The following SNX29 variants were observed in gnomAD, a reference collection of about 807,000 sequenced individuals.
SNX29 encodes sorting nexin-29.
SNX29 carries 78 observed loss-of-function variants against 102.1 expected under a neutral mutation model. That is an observed-to-expected ratio of 0.76 (90% confidence interval 0.64 to 0.92). SNX29 has a LOEUF of 0.92. SNX29 is among the 40% of genes least tolerant of loss of function. SNX29 has a pLI of 0.00. For missense variants in SNX29, 1,280 were observed against 1,061.7 expected, an observed-to-expected ratio of 1.21 and a Z score of -2.86; for synonymous variants, 580 against 414.5, an observed-to-expected ratio of 1.40 and a Z score of -4.85.
chr16:12,303,470 C>G (rs904329449), intron 15 of SNX29, among the ~76,000 whole-genome samples: 1 of 151,994 alleles, frequency 6.6e-6, no homozygotes, highest in Non-Finnish European at 1.5e-5. Context: ...TTGTGTGGCT[C>G]GAAGAAAGCG....
At position 12,569,537 on chromosome 16, in the gene SNX29, G is replaced by A. The variant is rs2141577903; in HGVS notation, c.*908G>A. On this transcript the variant is annotated 3_prime_UTR_variant, in exon 21 of 21. Transcript: ENST00000566228. ...CTCCATGACTATGAAGTTGGACCCAGTGTGGACACTTAACAGATCATGTGT... is the reference window on the plus strand; with the variant it reads ...CTCCATGACTATGAAGTTGGACCCAATGTGGACACTTAACAGATCATGTGT... 1 of 231,606 alleles carries A rather than the reference G, an allele frequency of 4.3e-6. No homozygotes were observed. The highest frequency in any genetic ancestry group is 6.1e-5 in the East Asian group (1 of 16,360). 14.3% of individuals were successfully genotyped at this position (231,606 alleles called of 1,614,324 possible).
At chr16:12,010,639 C>T (rs374512566) in intron 3 of SNX29, among the ~76,000 whole-genome samples, 14 of 152,078 alleles carry the variant, frequency 9.2e-5, no homozygotes, top group Admixed American at 9.2e-4. Context: ...AACAAACAAA[C>T]AAACAAGAAA....
chr16:12,178,550 C>T (rs1020330156), intron 13 of SNX29, among the ~76,000 whole-genome samples: 1 of 152,282 alleles, frequency 6.6e-6, no homozygotes, highest in African/African-American at 2.4e-5. Context: ...CGTCATGGTC[C>T]TGGAAAAAAC....
chr16:12,252,201 G>A (rs1356649349), intron 14 of SNX29, among the ~76,000 whole-genome samples: 1 of 152,186 alleles, frequency 6.6e-6, no homozygotes, highest in Non-Finnish European at 1.5e-5. Flanking sequence ...AAAGGAAACA[G>A]TCCACAAGCT....
At chr16:12,005,044 G>A (rs1384043899) in intron 3 of SNX29, among the ~76,000 whole-genome samples, 1 of 152,288 alleles carries the variant, frequency 6.6e-6, no homozygotes, top group South Asian at 2.1e-4. Flanking sequence ...CTGTAGTCAA[G>A]CATTTAAATA....
intron 18 of SNX29, among the ~76,000 whole-genome samples, chr16:12,462,561 G>C (rs1322469618): frequency 6.6e-6 from 1 of 151,714 alleles, no homozygotes. Context: ...GTTTTAATTT[G>C]TATCCCAGTC....
intron 1 of SNX29, among the ~76,000 whole-genome samples, chr16:11,986,658 T>C (rs576243962): frequency 4.6e-4 from 70 of 152,210 alleles, no homozygotes; most frequent in Non-Finnish European, 8.7e-4. Context: ...ACCGCAGCTA[T>C]TTAACCTCTC....
chr16:12,203,457 G>T (rs537727762), intron 14 of SNX29, among the ~76,000 whole-genome samples: 1 of 151,676 alleles, frequency 6.6e-6, no homozygotes, highest in African/African-American at 2.4e-5. Context: ...TGTGTAGTGT[G>T]GCCTTGCTGT....
intron 13 of SNX29, among the ~76,000 whole-genome samples, chr16:12,197,887 G>GAAGC (rs1434166531): frequency 2.0e-5 from 3 of 151,878 alleles, no homozygotes; most frequent in African/African-American, 7.2e-5. Flanking sequence ...ACAGCACAGA[G>GAAGC]AAGCAAAATA....
chr16:12,167,830 C>T (rs564977106), intron 13 of SNX29, among the ~76,000 whole-genome samples: 6 of 152,286 alleles, frequency 3.9e-5, no homozygotes, highest in East Asian at 3.9e-4. Flanking sequence ...CCGTTTATTT[C>T]GTGAATAAGG....
chr16:12,123,812 A>G (rs2054086379), intron 11 of SNX29, among the ~76,000 whole-genome samples: 1 of 152,180 alleles, frequency 6.6e-6, no homozygotes, highest in Non-Finnish European at 1.5e-5. Flanking sequence ...TGGACAGTAG[A>G]TATTTCAGGC....
intron 4 of SNX29, among the ~76,000 whole-genome samples, chr16:12,042,499 C>T (rs1616017): frequency 0.7 from 106,816 of 152,072 alleles, 38,342 homozygotes; most frequent in African/African-American, 0.83. Context: ...TCTCTAGCAG[C>T]CCCCAGTGTC....
intron 20 of SNX29, among the ~76,000 whole-genome samples, chr16:12,533,282 C>A (rs2076980938): frequency 6.6e-6 from 1 of 152,258 alleles, no homozygotes; most frequent in Admixed American, 6.5e-5. Flanking sequence ...TCCGTAGCAG[C>A]TTCCTGGAAA....
chr16:12,110,967 C>G (rs1185998961), intron 11 of SNX29, among the ~76,000 whole-genome samples: 2 of 152,068 alleles, frequency 1.3e-5, no homozygotes, highest in African/African-American at 4.8e-5. Flanking sequence ...CAGGTGCACG[C>G]TACCACGCCT....
intron 18 of SNX29, among the ~76,000 whole-genome samples, chr16:12,439,519 T>C (rs115396053): frequency 0.024 from 3,713 of 152,306 alleles, 160 homozygotes; most frequent in African/African-American, 0.084. Flanking sequence ...CCATCTCACA[T>C]GGTGGCAGAC....
intron 15 of SNX29, among the ~76,000 whole-genome samples, chr16:12,342,954 T>A (rs940564796): frequency 2.1e-4 from 32 of 152,342 alleles, no homozygotes; most frequent in African/African-American, 7.5e-4. Context: ...AGGAGGCTCT[T>A]GGCAGCTTTA....
chr16:12,563,387 T>A (rs1417051635), intron 20 of SNX29, among the ~76,000 whole-genome samples: 1 of 152,200 alleles, frequency 6.6e-6, no homozygotes, highest in African/African-American at 2.4e-5. Flanking sequence ...ATTTTACCCG[T>A]AACCATGAAA....
chr16:12,377,718 C>T (rs78965565), intron 16 of SNX29, among the ~76,000 whole-genome samples: 18 of 152,050 alleles, frequency 1.2e-4, no homozygotes, highest in Non-Finnish European at 1.6e-4. Context: ...AAGCTTATCT[C>T]GGGCCTGCAG....
intron 14 of SNX29, among the ~76,000 whole-genome samples, chr16:12,233,370 A>T (rs112288626): frequency 0.039 from 5,889 of 152,244 alleles, 407 homozygotes; most frequent in African/African-American, 0.14. Flanking sequence ...TCTGACTTAT[A>T]AGTGGGAGCT....
Sources: gnomAD v4.1 joint callset for allele counts (sites outside exome capture counted in the v4.1 genomes callset) on GRCh38, gnomAD v4.1.1 for gene constraint, MANE v1.5 for transcripts, NCBI Gene and HGNC (gene_info 2026-07-23, HGNC 2026-07-21) for gene names.